The following C16orf78 variants were observed in gnomAD, a reference collection of about 807,000 sequenced individuals.
The protein encoded by C16orf78 is chromosome 16 open reading frame 78.
A neutral mutation model predicts 27.3 loss-of-function variants in C16orf78; 19 were observed. The observed-to-expected ratio is 0.70, with a 90% CI of 0.49 to 1.02. The LOEUF is 1.02. C16orf78 is among the 50% of genes least tolerant of loss of function. The probability of loss-of-function intolerance (pLI) is 0.00; values close to 1 mark genes in which losing one functional copy is unlikely to be tolerated. For missense variants in C16orf78, 339 were observed against 337.0 expected (o/e 1.01, Z -0.05); for synonymous variants, 130 against 116.1 (o/e 1.12, Z -0.77).
At position 49,377,835 on chromosome 16, in the gene C16orf78, G is replaced by A. The variant is rs778231817; in HGVS notation, c.255G>A (p.Thr85=). ...MTARGGNRRD[T]ETSQQALGKR... The stretch of plus-strand genomic sequence containing the variant: ...CACGGGGAGGGAACCGCAGGGACAC[G>A]GAGACTTCCCAGCAGGTAATGCAGC... Residue 85 remains threonine (T), a synonymous_variant, in exon 2 of 5, where the codon ACG becomes ACA. Transcript: ENST00000299191. 37 of 1,577,830 alleles carry A rather than the reference G, an allele frequency of 2.3e-5. No individual in the cohort carries two copies. The African/African-American group carries it at 2.8e-4, about 12-fold the overall frequency.
intron 3 of C16orf78, among the ~76,000 whole-genome samples, chr16:49,381,576 A>G (rs1965288088): frequency 6.6e-6 from 1 of 152,054 alleles, no homozygotes; most frequent in Admixed American, 6.6e-5. Flanking sequence ...AAGAAAAAAC[A>G]AACAACCCCA....
intron 3 of C16orf78, among the ~76,000 whole-genome samples, chr16:49,390,994 AT>A (rs1198075578): frequency 6.6e-6 from 1 of 152,160 alleles, no homozygotes; most frequent in Non-Finnish European, 1.5e-5. Flanking sequence ...TAAAACCGCT[AT>A]TTCATATGAC....
At chr16:49,385,815 ACAAAGCAGT>A (rs1965344001) in intron 3 of C16orf78, among the ~76,000 whole-genome samples, 1 of 152,200 alleles carries the variant, frequency 6.6e-6, no homozygotes. Context: ...CAAAGAAACT[ACAAAGCAGT>A]CAAAAAACAA....
chr16:49,388,002 A>G (rs1965369942), intron 3 of C16orf78, among the ~76,000 whole-genome samples: 1 of 152,154 alleles, frequency 6.6e-6, no homozygotes, highest in South Asian at 2.1e-4. Flanking sequence ...TCAAAAAACC[A>G]GGCCAGCTGT....
At chr16:49,383,391 G>T (rs530386562) in intron 3 of C16orf78, among the ~76,000 whole-genome samples, 2 of 152,308 alleles carry the variant, frequency 1.3e-5, no homozygotes, top group African/African-American at 4.8e-5. Context: ...AGCTTGGGTT[G>T]CCATAGTCAA....
chr16:49,385,597 G>A (rs903732296), intron 3 of C16orf78, among the ~76,000 whole-genome samples: 2 of 151,246 alleles, frequency 1.3e-5, no homozygotes, highest in African/African-American at 4.9e-5. Flanking sequence ...AGAGGTTGCA[G>A]TGAGCCGAGA....
At chr16:49,394,666 T>C (rs1234567907) in intron 3 of C16orf78, among the ~76,000 whole-genome samples, 2 of 152,112 alleles carry the variant, frequency 1.3e-5, no homozygotes, top group East Asian at 1.9e-4. Flanking sequence ...ATCATCATTA[T>C]TGGCAATGTT....
At chr16:49,379,170 A>G (rs1404058454) in intron 3 of C16orf78, among the ~76,000 whole-genome samples, 1 of 152,098 alleles carries the variant, frequency 6.6e-6, no homozygotes, top group African/African-American at 2.4e-5. Context: ...GACAACAACA[A>G]TACCTGCCTC....
At chr16:49,380,693 A>C (rs1965275585) in intron 3 of C16orf78, among the ~76,000 whole-genome samples, 1 of 152,240 alleles carries the variant, frequency 6.6e-6, no homozygotes, top group Non-Finnish European at 1.5e-5. Context: ...TGTTTTAGAC[A>C]TGAAGTCCTT....
rs376632421 is a variant in C16orf78 at position 49,378,575 on chromosome 16, G to A, written c.376G>A (p.Asp126Asn). ...CATGGTCCCTGGCAGCTACATCAAGGATGGCCCCAAGAAATCTGGTAAGGG... is the reference window on the plus strand; with the variant it reads ...CATGGTCCCTGGCAGCTACATCAAGAATGGCCCCAAGAAATCTGGTAAGGG... The part of the protein sequence containing the change: ...LSMVPGSYIK[D>N]GPKKSDTDIK... Residue 126 changes from aspartate to asparagine, a missense_variant, in exon 3 of 5, where the codon GAT becomes AAT. Coordinates refer to ENST00000299191, the MANE Select transcript of C16orf78 (RefSeq NM_144602.4). 6.8e-6 allele frequency: 11 copies of A among 1,613,810 alleles called. No homozygotes were observed. The highest frequency in any genetic ancestry group is 1.6e-4 in the Middle Eastern group (1 of 6,084).
chr16:49,396,371 C>T, intron 3 of C16orf78, 52 bp from the exon 4 acceptor site: 3 of 1,594,372 alleles, frequency 1.9e-6, no homozygotes, highest in South Asian at 2.3e-5. Context: ...GCCTACCCCA[C>T]CTCTCACGTC....
At chr16:49,378,016 C>T (rs561185489) in intron 2 of C16orf78, among the ~76,000 whole-genome samples, 166 bp downstream of exon 2, 1 of 152,208 alleles carries the variant, frequency 6.6e-6, no homozygotes, top group South Asian at 2.1e-4. Flanking sequence ...CCCTCCCTAC[C>T]CTGTCCAGCC....
intron 3 of C16orf78, among the ~76,000 whole-genome samples, chr16:49,389,812 GT>G (rs1965392081): frequency 6.6e-6 from 1 of 152,102 alleles, no homozygotes; most frequent in African/African-American, 2.4e-5. Context: ...AAGCAATTAT[GT>G]TTTCAAGAGA....
intron 3 of C16orf78, among the ~76,000 whole-genome samples, chr16:49,381,185 T>C (rs1171029781): frequency 6.6e-6 from 1 of 152,228 alleles, no homozygotes; most frequent in East Asian, 1.9e-4. Flanking sequence ...CATTGGTAGC[T>C]TGATGGGGAT....
At chr16:49,392,025 G>A (rs1182060505) in intron 3 of C16orf78, among the ~76,000 whole-genome samples, 1 of 152,130 alleles carries the variant, frequency 6.6e-6, no homozygotes, top group African/African-American at 2.4e-5. Context: ...GTGACACCTT[G>A]GGCAGGTCAC....
chr16:49,379,002 C>T (rs895917316), intron 3 of C16orf78, among the ~76,000 whole-genome samples: 2 of 152,168 alleles, frequency 1.3e-5, no homozygotes, highest in African/African-American at 4.8e-5. Context: ...GGGTTGCTCA[C>T]CTCTAGGAAG....
At position 49,373,809 on chromosome 16, in the gene C16orf78, G is replaced by A. The variant is rs1317109380; in HGVS notation, c.-131G>A. 9 of 1,114,402 alleles carry A rather than the reference G, an allele frequency of 8.1e-6. No homozygotes were observed. The highest frequency in any genetic ancestry group is 1.6e-5 in the African/African-American group (1 of 63,512). The allele number at this position is 1,114,402 out of a possible 1,614,324, so 69.0% of individuals were successfully genotyped here. A position where few individuals can be genotyped will look rare whatever the true frequency, so the allele number is the denominator to read the frequency against. On this transcript the variant is annotated 5_prime_UTR_variant, in exon 1 of 5. Transcript: ENST00000299191. ...ATATCCCAGGGTCTTGGCTCACTCTGCCCTTTATGTTCACATCTGGAGGCC... is the reference window on the plus strand; with the variant it reads ...ATATCCCAGGGTCTTGGCTCACTCTACCCTTTATGTTCACATCTGGAGGCC...
intron 1 of C16orf78, among the ~76,000 whole-genome samples, chr16:49,377,031 C>T (rs1272250831): frequency 6.6e-6 from 1 of 152,200 alleles, no homozygotes; most frequent in African/African-American, 2.4e-5. Context: ...CTGGGTGGCC[C>T]ACCCTTTAAG....
Position 49,399,234 on chromosome 16 carries a change from G to A in C16orf78, c.754G>A (p.Asp252Asn). Reference sequence around the variant, plus strand: ...CCCCCACATGGTCGAAGAGGACATAGATGCTAAAAAGGTGTTCACCGGAAT... The same window carrying A: ...CCCCCACATGGTCGAAGAGGACATAAATGCTAAAAAGGTGTTCACCGGAAT... ...IHPHMVEEDI[D>N]AKKVFTGIPS... The change falls in exon 5 of 5, where the codon GAT becomes AAT. Residue 252 changes from aspartate (D) to asparagine (N), a missense_variant. Transcript: ENST00000299191. 6.2e-7 allele frequency: 1 copy of A among 1,614,176 alleles called. No homozygotes were observed.
Sources: allele counts gnomAD v4.1 joint callset (sites outside exome capture counted in the v4.1 genomes callset), GRCh38; gene constraint gnomAD v4.1.1; transcripts MANE v1.5; gene names NCBI Gene and HGNC (gene_info 2026-07-23, HGNC 2026-07-21).